Variants in BSN observed in about 807,000 individuals in gnomAD.
The protein encoded by BSN is bassoon presynaptic cytomatrix protein.
Under a neutral mutation model 264.8 loss-of-function variants are expected in BSN, and 57 were observed. The ratio of observed to expected loss-of-function variants is 0.22; its 90% CI spans 0.17 to 0.27. The LOEUF (loss-of-function observed/expected upper bound fraction) is 0.27. Among genes scored for constraint, BSN ranks in the 10% least tolerant of loss-of-function variants. The pLI is 1.00. For synonymous variants in BSN, 2,059 were observed against 2,137.3 expected (o/e 0.96, Z 1.01); for missense variants, 4,615 against 5,232.5 (o/e 0.88, Z 3.64).
rs770340840 is a variant in BSN at position 49,651,451 on chromosome 3, T to G, written c.1987-92T>G. 87 of 1,372,468 alleles carry G rather than the reference T, an allele frequency of 6.3e-5. No individual in the cohort carries two copies. Among genetic ancestry groups the G allele is most frequent in the Non-Finnish European group, 8.0e-5 (81 of 1,009,390 alleles). The allele number at this position is 1,372,468 out of a possible 1,614,324, so 85.0% of individuals were successfully genotyped here. The stretch of plus-strand genomic sequence containing the variant: ...AAACCCTTGGGAAATGGACAGACTC[T>G]TCCCCAGGGTCCTGGGATTGACAGG... On this transcript the variant is annotated intron_variant, in intron 4 of 11. Coordinates refer to ENST00000296452, the MANE Select transcript of BSN (RefSeq NM_003458.4). The surrounding 1 kb of genome is among the most constrained non-coding windows in gnomAD (Gnocchi z 5.4).
rs141379939 is a variant in BSN at position 49,598,186 on chromosome 3, C to G, written c.225-26789C>G. 9.7e-4 allele frequency among the ~76,000 whole-genome samples: 148 copies of G among 152,292 alleles called. No individual in the cohort carries two copies. In the Middle Eastern group the frequency reaches 0.024, roughly 24 times the overall value. On this transcript the variant is annotated intron_variant, in intron 1 of 11. Transcript: ENST00000296452. ...TCTGTGTATGAATGGGTTACACTTT[C>G]CTGTTGCTTTGCATGTCTCATAATT...
rs147380440 is a variant in BSN, at chr3:49,656,606, C to T, written c.7050C>T (p.Ser2350=). 432 of 1,603,794 alleles carry T rather than the reference C, an allele frequency of 2.7e-4. 3 individuals carry two copies. The Middle Eastern group carries it at 5.2e-3, about 19-fold the overall frequency. The change falls in exon 5 of 12, where the codon AGC becomes AGT. Residue 2350 remains serine (S), a synonymous_variant. Coordinates refer to ENST00000296452, the MANE Select transcript of BSN (RefSeq NM_003458.4). ...CTGGGGGTGGCAGTGGGGCCCTCAG[C>T]CGGCCAGGGTTCGAGAAAGAGGAAG... ...AAPGGGSGAL[S]RPGFEKEEAS...
intron 1 of BSN, among the ~76,000 whole-genome samples, chr3:49,567,084 T>G (rs901617570): frequency 7.9e-5 from 12 of 152,190 alleles, no homozygotes; most frequent in African/African-American, 2.9e-4. Flanking sequence ...CAAACTGGGT[T>G]GAATCTCCAT....
chr3:49,657,624 A>G lies in BSN; in HGVS notation c.8068A>G (p.Ile2690Val), dbSNP rs753014034. 2 of 1,601,634 alleles carry G rather than the reference A, an allele frequency of 1.2e-6. No individual in the cohort carries two copies. The highest frequency in any genetic ancestry group is 1.7e-6 in the Non-Finnish European group (2 of 1,171,426). The change falls in exon 5 of 12, where the codon ATC becomes GTC. Residue 2690 changes from isoleucine (I) to valine (V), a missense_variant. Ile to Val is a conservative substitution (Grantham distance 29). Coordinates refer to ENST00000296452, the MANE Select transcript of BSN (RefSeq NM_003458.4). Reference sequence around the variant, plus strand: ...GCCCAGGGTCTCTCCAGCCATCCACATCACAGCTGCCACCGATCCCAAGGT... The same window carrying G: ...GCCCAGGGTCTCTCCAGCCATCCACGTCACAGCTGCCACCGATCCCAAGGT... ...QLPRVSPAIHITAATDPKVEI... is the reference protein window; with the variant it reads ...QLPRVSPAIHVTAATDPKVEI...
At chr3:49,641,707 C>T (rs1255139834) in intron 2 of BSN, 2 of 152,252 alleles carry the variant, frequency 1.3e-5, no homozygotes, top group Admixed American at 6.5e-5. Flanking sequence ...TAAGCTTCTT[C>T]AGGATAGGAA....
chr3:49,605,817 T>TATA (rs2052128984), intron 1 of BSN, among the ~76,000 whole-genome samples: 1 of 75,278 alleles, frequency 1.3e-5, no homozygotes, highest in Non-Finnish European at 2.3e-5. Flanking sequence ...TATAAATATA[T>TATA]TTTGTATAAA....
At chr3:49,615,834 T>G (rs1200566251) in intron 1 of BSN, among the ~76,000 whole-genome samples, 1 of 152,204 alleles carries the variant, frequency 6.6e-6, no homozygotes, top group Non-Finnish European at 1.5e-5. Flanking sequence ...AGGGTAGGAC[T>G]GAATCTGGTC....
Position 49,560,617 on chromosome 3 carries a change from C to G in BSN, c.224+5791C>G, listed in dbSNP as rs186086084. 2.0e-5 allele frequency among the ~76,000 whole-genome samples: 3 copies of G among 152,316 alleles called. No individual in the cohort carries two copies. In the East Asian group the frequency reaches 5.8e-4, roughly 29 times the overall value. ...GTGAACAATCTAGCTGTGGGGGACTCCTGCTCAGTCCTTTCATTTGGTGCC... is the reference window on the plus strand; with the variant it reads ...GTGAACAATCTAGCTGTGGGGGACTGCTGCTCAGTCCTTTCATTTGGTGCC... On this transcript the variant is annotated intron_variant, in intron 1 of 11. Coordinates refer to ENST00000296452, the MANE Select transcript of BSN (RefSeq NM_003458.4).
At chr3:49,639,440 C>T (rs1320909108) in intron 2 of BSN, among the ~76,000 whole-genome samples, 14 of 152,036 alleles carry the variant, frequency 9.2e-5, no homozygotes, top group Non-Finnish European at 1.3e-4. Context: ...CCTCATGATC[C>T]GCCCGCCTCT....
At chr3:49,576,495 A>G (rs1426298012) in intron 1 of BSN, among the ~76,000 whole-genome samples, 1 of 148,750 alleles carries the variant, frequency 6.7e-6, no homozygotes, top group African/African-American at 2.5e-5. Context: ...ATCTCAGCTC[A>G]CTGCAACCTC....
chr3:49,657,245 G>T lies in BSN; in HGVS notation c.7689G>T (p.Arg2563=). 1 of 1,613,530 alleles carries T rather than the reference G, an allele frequency of 6.2e-7. No homozygotes were observed. The highest frequency in any genetic ancestry group is 8.5e-7 in the Non-Finnish European group (1 of 1,180,046). ...AGCGGCACTCCATGCCACGCCTGCG[G>T]GATGCCTGTGAGCTAGAGTCTGGGA... The part of the protein sequence containing the change: ...IKKRHSMPRL[R]DACELESGTE... Residue 2563 remains arginine, a synonymous_variant, in exon 5 of 12, where the codon CGG becomes CGT. Transcript: ENST00000296452.
Position 49,660,411 on chromosome 3 carries a change from G to T in BSN, c.8641-75G>T. On this transcript the variant is annotated intron_variant, in intron 5 of 11. Transcript: ENST00000296452. This position sits in a 1 kb window ranked among gnomAD's most constrained non-coding sequence, Gnocchi z 7.1. ...CAGCTCCTTCCCCAGCCCAGGCCTG[G>T]GTTCTGCCACCCCACACCCCATCAA... 1.3e-6 allele frequency: 2 copies of T among 1,505,632 alleles called. No homozygotes were observed. Among genetic ancestry groups the T allele is most frequent in the East Asian group, 2.3e-5 (1 of 43,520 alleles). The allele number at this position is 1,505,632 out of a possible 1,614,324, so 93.3% of individuals were successfully genotyped here.
intron 1 of BSN, among the ~76,000 whole-genome samples, chr3:49,582,055 C>T (rs963267822): frequency 4.6e-5 from 7 of 152,190 alleles, no homozygotes; most frequent in South Asian, 2.1e-4. Flanking sequence ...TTAGGCTTTT[C>T]GAGGCGCTGC....
At chr3:49,665,066 A>C (rs1036287233) in intron 10 of BSN, among the ~76,000 whole-genome samples, 163 bp from the exon 11 acceptor site, 1 of 152,100 alleles carries the variant, frequency 6.6e-6, no homozygotes, top group Non-Finnish European at 1.5e-5. Context: ...CCAACACAGT[A>C]GGGGTCCCCA....
chr3:49,569,796 G>C (rs755399275), intron 1 of BSN, among the ~76,000 whole-genome samples: 53 of 152,230 alleles, frequency 3.5e-4, no homozygotes, highest in Non-Finnish European at 5.1e-4. Context: ...TATAGGAAAA[G>C]TGTCACTTTG....
intron 2 of BSN, among the ~76,000 whole-genome samples, chr3:49,639,618 G>C (rs963917518): frequency 6.6e-6 from 1 of 152,132 alleles, no homozygotes; most frequent in East Asian, 1.9e-4. Flanking sequence ...TTGGCCTTTG[G>C]GGGGCTCTGC....
At chr3:49,557,212 G>A (rs2051680009) in intron 1 of BSN, among the ~76,000 whole-genome samples, 2 of 152,158 alleles carry the variant, frequency 1.3e-5, no homozygotes, top group Non-Finnish European at 2.9e-5. Flanking sequence ...TGTCAGGGTG[G>A]CCATGTACAA....
chr3:49,655,802 C>T lies in BSN; in HGVS notation c.6246C>T (p.Phe2082=), dbSNP rs964867595. 1 of 1,613,416 alleles carries T rather than the reference C, an allele frequency of 6.2e-7. No individual in the cohort carries two copies. Among genetic ancestry groups the T allele is most frequent in the Non-Finnish European group, 8.5e-7 (1 of 1,180,032 alleles). The part of the protein sequence containing the change: ...RYGPRGDAVG[F]QEASLAQYSA... ...GCCCACGGGGAGATGCAGTTGGCTT[C>T]CAGGAGGCCAGCCTGGCCCAGTACA... Residue 2082 remains phenylalanine (F), a synonymous_variant, in exon 5 of 12, where the codon TTC becomes TTT. Transcript: ENST00000296452.
rs545566500 is a variant in BSN at position 49,606,870 on chromosome 3, CT to C, written c.225-18102del. Among the ~76,000 whole-genome samples the C allele has an allele frequency of 2.6e-5, 4 of 152,264 alleles. No individual in the cohort carries two copies. In the South Asian group the frequency reaches 8.3e-4, roughly 32 times the overall value. ...GTGGCTCACACCTGTAATCCCAGCA[CT>C]TTGGGAGGCCGAGGCGGGCGGATCA... On this transcript the variant is annotated intron_variant, in intron 1 of 11. Coordinates refer to ENST00000296452, the MANE Select transcript of BSN (RefSeq NM_003458.4).
Sources: gnomAD v4.1 joint callset for allele counts (sites outside exome capture counted in the v4.1 genomes callset) on GRCh38, gnomAD v4.1.1 for gene constraint, Gnocchi (gnomAD v3.1) non-coding constraint, MANE v1.5 for transcripts, NCBI Gene and HGNC (gene_info 2026-07-23, HGNC 2026-07-21) for gene names.